Variants in BRINP3 observed in about 807,000 individuals in gnomAD.
BRINP3 encodes BMP/retinoic acid-inducible neural-specific protein 3.
In BRINP3, 19 loss-of-function variants were observed where a neutral mutation model predicts 71.0. That is an observed-to-expected ratio of 0.27 (90% confidence interval 0.19 to 0.39). The LOEUF is 0.39. Ranked by LOEUF, BRINP3 falls within the 10% of genes least tolerant of loss-of-function variation. BRINP3 has a pLI of 1.00. For synonymous variants in BRINP3, 380 were observed against 337.7 expected, an observed-to-expected ratio of 1.13 and a Z score of -1.37; for missense variants, 959 against 940.8, an observed-to-expected ratio of 1.02 and a Z score of -0.25.
chr1:190,250,407 A>G (rs912494656), intron 4 of BRINP3, among the ~76,000 whole-genome samples: 1 of 151,946 alleles, frequency 6.6e-6, no homozygotes, highest in Non-Finnish European at 1.5e-5. Flanking sequence ...TTTTAACTTG[A>G]TATTTGTAAA....
chr1:190,238,550 A>T (rs915546900), intron 4 of BRINP3, among the ~76,000 whole-genome samples: 2 of 152,124 alleles, frequency 1.3e-5, no homozygotes, highest in East Asian at 1.9e-4. Context: ...CAACTTTATT[A>T]TCAAAGAGCT....
chr1:190,150,874 T>C (rs1656329811), intron 7 of BRINP3, among the ~76,000 whole-genome samples: 1 of 152,030 alleles, frequency 6.6e-6, no homozygotes, highest in Non-Finnish European at 1.5e-5. Flanking sequence ...TAATGGGAAG[T>C]GTTTAAAAGG....
intron 7 of BRINP3, among the ~76,000 whole-genome samples, chr1:190,104,181 C>A (rs575203135): frequency 6.6e-6 from 1 of 152,042 alleles, no homozygotes; most frequent in African/African-American, 2.4e-5. Flanking sequence ...CATAGCAGGA[C>A]AACATCAAAG....
intron 4 of BRINP3, among the ~76,000 whole-genome samples, chr1:190,243,742 C>CT (rs1410183039): frequency 1.3e-5 from 2 of 152,062 alleles, no homozygotes; most frequent in African/African-American, 4.8e-5. Flanking sequence ...ACTGTCTGGC[C>CT]TGAATGCCAC....
At chr1:190,213,591 T>C (rs942954276) in intron 6 of BRINP3, among the ~76,000 whole-genome samples, 1 of 152,010 alleles carries the variant, frequency 6.6e-6, no homozygotes, top group African/African-American at 2.4e-5. Context: ...TTCAGTCTCA[T>C]AGCAAGGATG....
At chr1:190,269,443 T>G (rs1661923406) in intron 3 of BRINP3, among the ~76,000 whole-genome samples, 2 of 152,066 alleles carry the variant, frequency 1.3e-5, no homozygotes, top group Admixed American at 6.6e-5. Flanking sequence ...CCAGATTTTT[T>G]CAGCACAAAA....
At chr1:190,134,651 A>G (rs979682170) in intron 7 of BRINP3, among the ~76,000 whole-genome samples, 1 of 152,114 alleles carries the variant, frequency 6.6e-6, no homozygotes, top group Non-Finnish European at 1.5e-5. Flanking sequence ...ATACAAACCA[A>G]GTGGGTTAGA....
intron 4 of BRINP3, among the ~76,000 whole-genome samples, chr1:190,238,413 A>G (rs1328139694): frequency 6.6e-6 from 1 of 152,124 alleles, no homozygotes; most frequent in African/African-American, 2.4e-5. Context: ...TCATATATAC[A>G]GCAAATGGCT....
At chr1:190,274,024 G>A (rs750954149) in intron 3 of BRINP3, among the ~76,000 whole-genome samples, 1 of 151,564 alleles carries the variant, frequency 6.6e-6, no homozygotes, top group African/African-American at 2.4e-5. Context: ...TGTGATCAGT[G>A]AAATGCAAGT....
chr1:190,253,148 G>A (rs1386836224), intron 4 of BRINP3, among the ~76,000 whole-genome samples: 2 of 152,118 alleles, frequency 1.3e-5, no homozygotes, highest in Non-Finnish European at 2.9e-5. Flanking sequence ...TGGTGTATAT[G>A]TGCCACATTT....
chr1:190,332,561 T>C (rs1667036674), intron 2 of BRINP3, among the ~76,000 whole-genome samples: 1 of 152,040 alleles, frequency 6.6e-6, no homozygotes, highest in Admixed American at 6.6e-5. Context: ...CAGGCGTGTC[T>C]ACCGTTACAA....
intron 1 of BRINP3, among the ~76,000 whole-genome samples, chr1:190,455,261 ATAAT>A (rs760531493): frequency 2.6e-5 from 4 of 152,176 alleles, no homozygotes; most frequent in African/African-American, 7.2e-5. Flanking sequence ...ATGCAAATAA[ATAAT>A]TAATAAGTTC....
chr1:190,112,350 T>A (rs1416268022), intron 7 of BRINP3, among the ~76,000 whole-genome samples: 1 of 152,188 alleles, frequency 6.6e-6, no homozygotes, highest in Non-Finnish European at 1.5e-5. Flanking sequence ...ATATGCTATT[T>A]GCTTGATTTA....
At chr1:190,359,295 T>C (rs1668971358) in intron 2 of BRINP3, among the ~76,000 whole-genome samples, 1 of 152,078 alleles carries the variant, frequency 6.6e-6, no homozygotes, top group Non-Finnish European at 1.5e-5. Context: ...CCTTGGTGGT[T>C]TGGACTAGAC....
chr1:190,396,712 TGATATATATATATA>T (rs1671592291), intron 2 of BRINP3, among the ~76,000 whole-genome samples: 4 of 38,314 alleles, frequency 1.0e-4, no homozygotes, highest in African/African-American at 3.9e-4. Context: ...CCTAATTTAA[TGATATATATATATA>T]TATATATATA....
intron 2 of BRINP3, among the ~76,000 whole-genome samples, chr1:190,336,621 C>A (rs1348534959): frequency 6.6e-6 from 1 of 151,952 alleles, no homozygotes; most frequent in African/African-American, 2.4e-5. Context: ...AGAATGAATT[C>A]CTGAAAGTAT....
At chr1:190,271,890 G>A (rs970255422) in intron 3 of BRINP3, among the ~76,000 whole-genome samples, 5 of 151,446 alleles carry the variant, frequency 3.3e-5, no homozygotes, top group African/African-American at 7.3e-5. Context: ...GGAATACTTC[G>A]CACATGTTAG....
At chr1:190,306,358 G>T (rs954457331) in intron 2 of BRINP3, among the ~76,000 whole-genome samples, 1 of 151,866 alleles carries the variant, frequency 6.6e-6, no homozygotes, top group Non-Finnish European at 1.5e-5. Context: ...TTAAATAAGC[G>T]ATTTTGGAGG....
intron 6 of BRINP3, among the ~76,000 whole-genome samples, chr1:190,212,093 A>G (rs1212707436): frequency 6.6e-6 from 1 of 152,126 alleles, no homozygotes. Context: ...TGTTGTTACA[A>G]AAAGTTTGTT....
Sources: allele counts gnomAD v4.1 joint callset (sites outside exome capture counted in the v4.1 genomes callset), GRCh38; gene constraint gnomAD v4.1.1; transcripts MANE v1.5; gene names NCBI Gene and HGNC (gene_info 2026-07-23, HGNC 2026-07-21).